SPAG17: variants seen among roughly 807,000 people sequenced by gnomAD.
SPAG17 encodes the protein sperm associated antigen 17, also known as sperm-associated antigen 17.
Under a neutral mutation model 273.6 loss-of-function variants are expected in SPAG17, and 169 were observed. The ratio of observed to expected loss-of-function variants is 0.62; its 90% CI spans 0.55 to 0.70. The LOEUF is 0.70. Ranked by LOEUF, SPAG17 falls within the 30% of genes least tolerant of loss-of-function variation. SPAG17 has a pLI of 0.00. For missense variants in SPAG17, 2,557 were observed against 2,627.8 expected (o/e 0.97, Z 0.59); for synonymous variants, 825 against 873.2 (o/e 0.94, Z 0.97).
chr1:118,148,070 G>T (rs941386392), intron 3 of SPAG17, among the ~76,000 whole-genome samples: 2 of 152,192 alleles, frequency 1.3e-5, no homozygotes, highest in Non-Finnish European at 2.9e-5. Context: ...TCTCCAAAAT[G>T]GAGGTTTCTA....
Position 118,005,549 on chromosome 1 carries a change from C to T in SPAG17, c.4641G>A (p.Val1547=), listed in dbSNP as rs1300325484. 3 of 1,601,038 alleles carry T rather than the reference C, an allele frequency of 1.9e-6. No homozygotes were observed. The highest frequency in any genetic ancestry group is 1.7e-5 in the Admixed American group (1 of 58,348). The change falls in exon 32 of 49, where the codon GTG becomes GTA. Residue 1547 remains valine (V), a synonymous_variant. Coordinates refer to ENST00000336338, the MANE Select transcript of SPAG17 (RefSeq NM_206996.4). ...SLYIDKDCSA[V]YCHESSSNIY... ...TATTACTGCTTGACTCATGGCAGTA[C>T]ACAGCTGAACAATCCTTGTCAATAT...
intron 4 of SPAG17, among the ~76,000 whole-genome samples, chr1:118,108,059 C>T (rs1050649382): frequency 1.3e-4 from 20 of 152,092 alleles, no homozygotes; most frequent in Non-Finnish European, 2.2e-4. Context: ...GGATCCAGGT[C>T]GAGATGTCTT....
intron 32 of SPAG17, among the ~76,000 whole-genome samples, chr1:118,002,512 T>C (rs2101718703): frequency 6.6e-6 from 1 of 152,336 alleles, no homozygotes; most frequent in Admixed American, 6.5e-5. Flanking sequence ...TGCTCCTGTA[T>C]TGGGTGCATA....
At position 118,025,353 on chromosome 1, in the gene SPAG17, C is replaced by T; in HGVS notation, c.3794G>A (p.Arg1265Lys). ...TTTATAGAACTCATAGTGCTTCACC[C>T]TCTGGGGGTAGCTCTGACGGACCAT... Reference protein sequence around the residue: ...DIMVRQSYPQRVKHYEFYKTV... With the variant: ...DIMVRQSYPQKVKHYEFYKTV... Residue 1265 changes from arginine to lysine, a missense_variant, in exon 27 of 49, where the codon AGG (arginine) becomes AAG (lysine). Physicochemically the swap from Arg to Lys is conservative, Grantham distance 26. Transcript: ENST00000336338. 1 of 1,612,734 alleles carries T rather than the reference C, an allele frequency of 6.2e-7. No individual in the cohort carries two copies. Among genetic ancestry groups the T allele is most frequent in the Non-Finnish European group, 8.5e-7 (1 of 1,179,424 alleles).
intron 1 of SPAG17, among the ~76,000 whole-genome samples, chr1:118,176,954 T>C (rs1263183308): frequency 6.6e-6 from 1 of 152,078 alleles, no homozygotes; most frequent in Non-Finnish European, 1.5e-5. Flanking sequence ...GAATGATAAA[T>C]TGGTCAATGA....
At chr1:118,111,596 G>A in intron 4 of SPAG17, among the ~76,000 whole-genome samples, 1 of 23,036 alleles carries the variant, frequency 4.3e-5, no homozygotes, top group South Asian at 1.3e-3. Flanking sequence ...ACACACAAAT[G>A]GCATTACCTT....
At chr1:118,183,398 T>C (rs990609454) in intron 1 of SPAG17, among the ~76,000 whole-genome samples, 1 of 152,148 alleles carries the variant, frequency 6.6e-6, no homozygotes. Flanking sequence ...CTGGGAATTA[T>C]TCTTTTAGAT....
At chr1:118,023,604 A>G in intron 27 of SPAG17, 141 bp from the exon 28 acceptor site, 2 of 596,890 alleles carry the variant, frequency 3.4e-6, no homozygotes, top group Non-Finnish European at 5.3e-6. Context: ...ACCCAGCAGC[A>G]CAAAGTAGAT....
In SPAG17 at chr1:118,031,682, G is replaced by T; in HGVS notation, c.3609+10C>A. 2 of 1,611,644 alleles carry T rather than the reference G, an allele frequency of 1.2e-6. No individual in the cohort carries two copies. Among genetic ancestry groups the T allele is most frequent in the Non-Finnish European group, 1.7e-6 (2 of 1,179,130 alleles). On this transcript the variant is annotated intron_variant, in intron 25 of 48. Coordinates refer to ENST00000336338, the MANE Select transcript of SPAG17 (RefSeq NM_206996.4). ...ACAGAGTTTGGGAATCTATGGCAAGGTTCATTTACCTTTTTCTCTTCTTCT... is the reference window on the plus strand; with the variant it reads ...ACAGAGTTTGGGAATCTATGGCAAGTTTCATTTACCTTTTTCTCTTCTTCT...
chr1:118,140,205 G>T (rs1658596581), intron 3 of SPAG17, among the ~76,000 whole-genome samples: 1 of 152,072 alleles, frequency 6.6e-6, no homozygotes. Context: ...ATAAGCAACA[G>T]AATACAGACT....
chr1:118,110,352 G>GAA (rs372828596), intron 4 of SPAG17, among the ~76,000 whole-genome samples: 1 of 151,996 alleles, frequency 6.6e-6, no homozygotes, highest in African/African-American at 2.4e-5. Flanking sequence ...GCAAATCCCA[G>GAA]AAAAAAACAG....
intron 10 of SPAG17, among the ~76,000 whole-genome samples, chr1:118,089,477 C>A (rs968585412): frequency 4.6e-5 from 7 of 151,918 alleles, no homozygotes. Flanking sequence ...TGATAATTCC[C>A]TTACACCATA....
intron 5 of SPAG17, among the ~76,000 whole-genome samples, chr1:118,100,945 A>G (rs1040640150): frequency 7.2e-5 from 11 of 152,144 alleles, no homozygotes; most frequent in Non-Finnish European, 1.6e-4. Flanking sequence ...TGATTTTATT[A>G]CCACTGTGTT....
intron 1 of SPAG17, among the ~76,000 whole-genome samples, chr1:118,159,392 C>A (rs575790228): frequency 6.6e-6 from 1 of 152,188 alleles, no homozygotes; most frequent in East Asian, 1.9e-4. Flanking sequence ...AGCCAAATGA[C>A]CTTGGGCTTA....
chr1:117,955,887 T>C (rs539575734), intron 48 of SPAG17, among the ~76,000 whole-genome samples: 5 of 152,154 alleles, frequency 3.3e-5, no homozygotes, highest in Non-Finnish European at 7.4e-5. Flanking sequence ...CATATATCTT[T>C]GTCATCATTA....
chr1:118,117,109 T>C (rs1374354282), intron 3 of SPAG17, among the ~76,000 whole-genome samples: 4 of 152,246 alleles, frequency 2.6e-5, no homozygotes, highest in Admixed American at 2.0e-4. Context: ...AGCTAAATAC[T>C]GTGCTGACAA....
chr1:118,116,073 A>G (rs1657062485), intron 3 of SPAG17, among the ~76,000 whole-genome samples: 1 of 152,176 alleles, frequency 6.6e-6, no homozygotes, highest in Non-Finnish European at 1.5e-5. Context: ...AGGAACATAC[A>G]GCTGTATTGT....
Position 117,959,168 on chromosome 1 carries a change from A to G in SPAG17, c.*4631T>C. The G allele has an allele frequency of 2.2e-6, 3 of 1,379,966 alleles. No individual in the cohort carries two copies. In the Admixed American group the frequency reaches 7.2e-5, roughly 33 times the overall value. 85.5% of individuals were successfully genotyped at this position (1,379,966 alleles called of 1,614,324 possible). A position where few individuals can be genotyped will look rare whatever the true frequency, so the allele number is the denominator to read the frequency against. On this transcript the variant is annotated intron_variant, in intron 48 of 48. Coordinates refer to ENST00000336338, the MANE Select transcript of SPAG17 (RefSeq NM_206996.4). ...TAGGAATAGAAAAAACAAACAAGAA[A>G]AGTTCTTAATGAGGGAAAGATAAGT...
chr1:117,990,077 T>C (rs889841664), intron 38 of SPAG17, among the ~76,000 whole-genome samples: 1 of 152,022 alleles, frequency 6.6e-6, no homozygotes, highest in Admixed American at 6.6e-5. Flanking sequence ...CACGGAGACA[T>C]AGGGGGTTGT....
Sources: gnomAD v4.1 joint callset for allele counts (sites outside exome capture counted in the v4.1 genomes callset) on GRCh38, gnomAD v4.1.1 for gene constraint, MANE v1.5 for transcripts, NCBI Gene and HGNC (gene_info 2026-07-23, HGNC 2026-07-21) for gene names.